The following ALDH1L2 variants were observed in gnomAD, a reference collection of about 807,000 sequenced individuals.
The protein encoded by ALDH1L2 is mitochondrial 10-formyltetrahydrofolate dehydrogenase.
ALDH1L2 carries 91 observed loss-of-function variants against 111.0 expected under a neutral mutation model. The ratio of observed to expected loss-of-function variants is 0.82; its 90% confidence interval spans 0.69 to 0.98. ALDH1L2 has a LOEUF of 0.98. Among genes scored for constraint, ALDH1L2 ranks in the 50% least tolerant of loss-of-function variants. The probability of loss-of-function intolerance (pLI) is 0.00; values close to 1 mark genes in which losing one functional copy is unlikely to be tolerated. For synonymous variants in ALDH1L2, 374 were observed against 392.6 expected (o/e 0.95, Z 0.56); for missense variants, 995 against 1,126.8 (o/e 0.88, Z 1.67).
At chr12:105,044,855 C>A (rs538079189) in intron 15 of ALDH1L2, among the ~76,000 whole-genome samples, 4 of 151,680 alleles carry the variant, frequency 2.6e-5, no homozygotes, top group African/African-American at 9.7e-5. Flanking sequence ...TATGTTTTAT[C>A]TATACAATGG....
chr12:105,034,281 A>G lies in ALDH1L2; in HGVS notation c.2244+19T>C. 6.2e-7 allele frequency: 1 copy of G among 1,611,536 alleles called. No homozygotes were observed. The highest frequency in any genetic ancestry group is 8.5e-7 in the Non-Finnish European group (1 of 1,178,056). On this transcript the variant is annotated intron_variant, in intron 19 of 22. Transcript: ENST00000258494. Reference sequence around the variant, plus strand: ...GCAAAATCTCTAAACAACTCAGAGTAAATGTGAAGGTGCCTCACCACTCTT... The same window carrying G: ...GCAAAATCTCTAAACAACTCAGAGTGAATGTGAAGGTGCCTCACCACTCTT...
chr12:105,048,035 T>C (rs1876022749), intron 13 of ALDH1L2: 1 of 152,190 alleles, frequency 6.6e-6, no homozygotes, highest in African/African-American at 2.4e-5. Flanking sequence ...TTCAGAACTA[T>C]TTGGGTTTCA....
chr12:105,072,365 A>G (rs1385688789), intron 2 of ALDH1L2: 1 of 151,878 alleles, frequency 6.6e-6, no homozygotes, highest in Non-Finnish European at 1.5e-5. Context: ...CTGAACAACA[A>G]AATTCATTGA....
In ALDH1L2 at chr12:105,023,896, A is replaced by G. The variant is rs1045042452; in HGVS notation, c.*528T>C. 6.5e-6 allele frequency: 1 copy of G among 155,006 alleles called. No individual in the cohort carries two copies. Among genetic ancestry groups the G allele is most frequent in the Non-Finnish European group, 1.4e-5 (1 of 69,984 alleles). 9.6% of individuals were successfully genotyped at this position (155,006 alleles called of 1,614,324 possible). ...TGTTTCTAGGTTGATCACCCATCAC[A>G]GTGGGTTAAAAAATGGAATATCAAA... On this transcript the variant is annotated 3_prime_UTR_variant, in exon 23 of 23. Coordinates refer to ENST00000258494, the MANE Select transcript of ALDH1L2 (RefSeq NM_001034173.4).
In ALDH1L2 at chr12:105,074,043, T is replaced by C. The variant is rs143328536; in HGVS notation, c.49-38A>G. ...TCAATGACGAAGACATAAGCATGGA[T>C]AGAAGACACTGGATGAGGGTGAGGG... On this transcript the variant is annotated intron_variant, in intron 1 of 22. Coordinates refer to ENST00000258494, the MANE Select transcript of ALDH1L2 (RefSeq NM_001034173.4). 3.0e-5 allele frequency: 48 copies of C among 1,612,630 alleles called. No individual in the cohort carries two copies. The South Asian group carries it at 5.1e-4, about 17-fold the overall frequency.
chr12:105,044,246 T>G (rs915927015), intron 15 of ALDH1L2, among the ~76,000 whole-genome samples: 4 of 152,270 alleles, frequency 2.6e-5, no homozygotes, highest in Admixed American at 2.0e-4. Flanking sequence ...ATGTTTGTAA[T>G]TTTTGGACAT....
At chr12:105,048,232 C>G (rs909629351) in intron 13 of ALDH1L2, 18 of 152,222 alleles carry the variant, frequency 1.2e-4, no homozygotes, top group Non-Finnish European at 2.5e-4. Context: ...GTATGTATTA[C>G]TGTGACCATT....
chr12:105,024,353 C>A lies in ALDH1L2; in HGVS notation c.*71G>T. ...GGCTGACACCTCCTGCCTCAACACA[C>A]CCAATCTTCTTAAGTGTGTCCAGAG... On this transcript the variant is annotated 3_prime_UTR_variant, in exon 23 of 23. Transcript: ENST00000258494. 1 of 1,577,310 alleles carries A rather than the reference C, an allele frequency of 6.3e-7. No individual in the cohort carries two copies. Among genetic ancestry groups the A allele is most frequent in the Non-Finnish European group, 8.7e-7 (1 of 1,149,014 alleles).
At chr12:105,049,778 A>T in intron 13 of ALDH1L2, 130 bp downstream of exon 13, 1 of 1,050,866 alleles carries the variant, frequency 9.5e-7, no homozygotes, top group East Asian at 2.7e-5. Context: ...GCAGCATAAA[A>T]TGGATTGAGA....
chr12:105,055,457 G>T (rs1260070554), intron 10 of ALDH1L2, among the ~76,000 whole-genome samples: 1 of 152,138 alleles, frequency 6.6e-6, no homozygotes, highest in African/African-American at 2.4e-5. Flanking sequence ...TGGGGAGAAG[G>T]TCTGCTTTCT....
At position 105,063,259 on chromosome 12, in the gene ALDH1L2, G is replaced by A. The variant is rs1174444015; in HGVS notation, c.787-237C>T. ...TGGGAGGCAGAGGCAGGCAGATCAC[G>A]AGGTCAGGAGATCGAGACCATCTTG... On this transcript the variant is annotated intron_variant, in intron 6 of 22. Transcript: ENST00000258494. 3.9e-5 allele frequency among the ~76,000 whole-genome samples: 6 copies of A among 152,140 alleles called. No homozygotes were observed. The East Asian group carries it at 9.6e-4, about 24-fold the overall frequency.
chr12:105,047,959 G>C (rs902374474), intron 13 of ALDH1L2: 2 of 152,146 alleles, frequency 1.3e-5, no homozygotes, highest in African/African-American at 4.8e-5. Context: ...ATTATTAATA[G>C]ATTATGTTCA....
At chr12:105,041,885 C>T (rs953885828) in intron 15 of ALDH1L2, among the ~76,000 whole-genome samples, 1 of 152,110 alleles carries the variant, frequency 6.6e-6, no homozygotes, top group African/African-American at 2.4e-5. Context: ...TTGAGCATTA[C>T]ATTGCTTTCA....
chr12:105,064,142 TTTTTTTTTTTTTG>T, intron 6 of ALDH1L2, among the ~76,000 whole-genome samples: 1 of 121,940 alleles, frequency 8.2e-6, no homozygotes, highest in African/African-American at 3.2e-5. Context: ...TTTTTTTTTT[TTTTTTTTTTTTTG>T]TATTTTTAGT....
At chr12:105,050,774 G>A in intron 12 of ALDH1L2, 1 of 413,328 alleles carries the variant, frequency 2.4e-6, no homozygotes, top group African/African-American at 2.1e-5. Context: ...ATGTGCAGGG[G>A]AACTGCCCTT....
chr12:105,048,467 A>G (rs1876051098), intron 13 of ALDH1L2: 1 of 152,196 alleles, frequency 6.6e-6, no homozygotes, highest in African/African-American at 2.4e-5. Flanking sequence ...ATGCTTTGTT[A>G]AATTCCTCTT....
chr12:105,049,822 TA>T, intron 13 of ALDH1L2, 85 bp downstream of exon 13: 1 of 1,424,280 alleles, frequency 7.0e-7, no homozygotes, highest in Non-Finnish European at 9.3e-7. Flanking sequence ...AAAATCTACA[TA>T]AAAAGAGGAT....
chr12:105,074,052 C>G lies in ALDH1L2; in HGVS notation c.49-47G>C, dbSNP rs566497108. The G allele has an allele frequency of 6.8e-6, 11 of 1,610,406 alleles. No individual in the cohort carries two copies. The South Asian group carries it at 1.2e-4, about 18-fold the overall frequency. On this transcript the variant is annotated intron_variant, in intron 1 of 22. Transcript: ENST00000258494. ...AAGACATAAGCATGGATAGAAGACA[C>G]TGGATGAGGGTGAGGGTTAAAAAAG...
intron 10 of ALDH1L2, among the ~76,000 whole-genome samples, chr12:105,057,221 A>G (rs1876685629): frequency 6.6e-6 from 1 of 152,132 alleles, no homozygotes; most frequent in African/African-American, 2.4e-5. Flanking sequence ...ATCCCACTTT[A>G]CACCCACTAG....
Sources: gnomAD v4.1 joint callset for allele counts (sites outside exome capture counted in the v4.1 genomes callset) on GRCh38, gnomAD v4.1.1 for gene constraint, MANE v1.5 for transcripts, NCBI Gene and HGNC (gene_info 2026-07-23, HGNC 2026-07-21) for gene names.